The following SV2C variants were observed in gnomAD, a reference collection of about 807,000 sequenced individuals.
The protein encoded by SV2C is synaptic vesicle glycoprotein 2C.
SV2C carries 49 observed loss-of-function variants against 79.7 expected under a neutral mutation model. The ratio of observed to expected loss-of-function variants is 0.61; its 90% CI spans 0.49 to 0.78. SV2C has a LOEUF of 0.78. Among genes scored for constraint, SV2C ranks in the 30% least tolerant of loss-of-function variants. The pLI is 0.00. For synonymous variants in SV2C, 334 were observed against 333.2 expected (o/e 1.00, Z -0.03); for missense variants, 833 against 912.9 (o/e 0.91, Z 1.13).
chr5:75,943,970 TA>T, the SV2C span, among the ~76,000 whole-genome samples: 1 of 152,158 alleles, frequency 6.6e-6, no homozygotes, highest in Non-Finnish European at 1.5e-5. Flanking sequence ...CTAAAAGGTA[TA>T]AAGCATGAAT....
chr5:75,965,898 A>G, the SV2C span, among the ~76,000 whole-genome samples: 1 of 152,230 alleles, frequency 6.6e-6, no homozygotes, highest in Admixed American at 6.5e-5. Flanking sequence ...ATGCTCACAT[A>G]TAAGGAAAGA....
chr5:76,315,188 G>GCACACACA lies in SV2C; in HGVS notation c.2001-10151_2001-10144dup, dbSNP rs10606819. ...CCCTCATTAAGGAACATGGCCAGGC[G>GCACACACA]CACACACACACACACACACACACAC... On this transcript the variant is annotated intron_variant, in intron 12 of 12. Coordinates refer to ENST00000502798, the MANE Select transcript of SV2C (RefSeq NM_014979.4). Among the ~76,000 whole-genome samples the GCACACACA allele has an allele frequency of 8.7e-4, 127 of 145,204 alleles. No individual in the cohort carries two copies. In the Middle Eastern group the frequency reaches 0.018, roughly 20 times the overall value.
the SV2C span, among the ~76,000 whole-genome samples, chr5:75,951,610 CTG>C: frequency 1.3e-5 from 2 of 152,034 alleles, no homozygotes; most frequent in Non-Finnish European, 1.5e-5. Context: ...TTAAATGTAA[CTG>C]TATCAATCTA....
At chr5:75,882,963 G>C in the SV2C span, among the ~76,000 whole-genome samples, 3 of 150,514 alleles carry the variant, frequency 2.0e-5, no homozygotes, top group East Asian at 5.8e-4. Flanking sequence ...CTAATATCCA[G>C]AATCTACAAT....
At chr5:76,200,886 C>T (rs1361671078) in intron 3 of SV2C, among the ~76,000 whole-genome samples, 1 of 152,168 alleles carries the variant, frequency 6.6e-6, no homozygotes, top group Non-Finnish European at 1.5e-5. Flanking sequence ...AAGTAATCCT[C>T]CTAGCCTTGG....
chr5:76,185,045 A>T (rs1408558362), intron 2 of SV2C, among the ~76,000 whole-genome samples: 1 of 152,230 alleles, frequency 6.6e-6, no homozygotes, highest in Non-Finnish European at 1.5e-5. Context: ...CAGATTCCCA[A>T]TGGGAGAAAT....
At chr5:76,004,388 T>C in the SV2C span, among the ~76,000 whole-genome samples, 27 of 152,320 alleles carry the variant, frequency 1.8e-4, no homozygotes, top group African/African-American at 6.5e-4. Context: ...TTTTTCTTTG[T>C]TTGTAAAATG....
chr5:76,231,783 C>G (rs1745431136), intron 4 of SV2C, among the ~76,000 whole-genome samples: 2 of 145,662 alleles, frequency 1.4e-5, no homozygotes, highest in South Asian at 2.1e-4. Context: ...TTTTTTATGG[C>G]TGCATAGTAT....
At chr5:75,893,651 C>A in the SV2C span, among the ~76,000 whole-genome samples, 1 of 152,088 alleles carries the variant, frequency 6.6e-6, no homozygotes. Context: ...ACTATGCTTA[C>A]CATCTGGGTG....
chr5:76,280,694 G>A (rs577388244), intron 4 of SV2C, among the ~76,000 whole-genome samples: 1 of 152,172 alleles, frequency 6.6e-6, no homozygotes, highest in East Asian at 1.9e-4. Context: ...TCCCCGGGGG[G>A]TGCCTGGGAG....
chr5:76,153,596 C>T (rs1742626805), intron 2 of SV2C, among the ~76,000 whole-genome samples: 1 of 152,122 alleles, frequency 6.6e-6, no homozygotes, highest in Non-Finnish European at 1.5e-5. Flanking sequence ...GGGACACAGA[C>T]ATATAACAAA....
At chr5:75,905,069 T>A in the SV2C span, among the ~76,000 whole-genome samples, 1 of 152,236 alleles carries the variant, frequency 6.6e-6, no homozygotes, top group African/African-American at 2.4e-5. Context: ...ACTCTACTTT[T>A]AGCTTCAGTT....
At chr5:76,132,465 T>A in intron 2 of SV2C, 135 bp downstream of exon 2, 1 of 872,714 alleles carries the variant, frequency 1.1e-6, no homozygotes, top group Non-Finnish European at 1.7e-6. Context: ...CAAAAAACTT[T>A]AAGCATACAA....
In SV2C at chr5:76,325,351, C is replaced by A; in HGVS notation, c.2001-13C>A. The A allele has an allele frequency of 6.2e-7, 1 of 1,613,794 alleles. No homozygotes were observed. The highest frequency in any genetic ancestry group is 1.7e-5 in the Admixed American group (1 of 59,982). ...CATTTTCTCAACCTTGTTCATGTCT[C>A]TTTCCTTTGCAGGGCAACAGGCTTT... On this transcript the variant is annotated splice_polypyrimidine_tract_variant and intron_variant, in intron 12 of 12. Transcript: ENST00000502798.
chr5:76,312,355 C>T (rs1184204415), intron 12 of SV2C, among the ~76,000 whole-genome samples: 1 of 152,068 alleles, frequency 6.6e-6, no homozygotes, highest in Non-Finnish European at 1.5e-5. Flanking sequence ...CAGATTCAAG[C>T]AATTCTCCTG....
chr5:75,919,188 T>TAC, the SV2C span, among the ~76,000 whole-genome samples: 3 of 152,212 alleles, frequency 2.0e-5, no homozygotes, highest in Non-Finnish European at 4.4e-5. Flanking sequence ...GTGTACAAGT[T>TAC]ACTGACTGGA....
intron 3 of SV2C, 138 bp downstream of exon 3, chr5:76,195,237 G>A: frequency 1.2e-6 from 1 of 848,146 alleles, no homozygotes; most frequent in South Asian, 1.8e-5. Flanking sequence ...AAACCACAAT[G>A]CTGGTTCTTA....
At chr5:75,901,951 A>T in the SV2C span, among the ~76,000 whole-genome samples, 19 of 152,314 alleles carry the variant, frequency 1.2e-4, no homozygotes, top group Middle Eastern at 6.8e-3. Flanking sequence ...AAAGCGCAGT[A>T]TTCGGGTGGG....
intron 1 of SV2C, among the ~76,000 whole-genome samples, chr5:76,128,508 G>A (rs1276741107): frequency 6.6e-6 from 1 of 152,164 alleles, no homozygotes; most frequent in East Asian, 1.9e-4. Flanking sequence ...GAAGATAAGG[G>A]GTAAGGCTTT....
Sources: gnomAD v4.1 joint callset for allele counts (sites outside exome capture counted in the v4.1 genomes callset) on GRCh38, gnomAD v4.1.1 for gene constraint, MANE v1.5 for transcripts, NCBI Gene and HGNC (gene_info 2026-07-23, HGNC 2026-07-21) for gene names.